Variants in FILIP1L observed in about 807,000 individuals in gnomAD.
FILIP1L encodes the protein filamin A interacting protein 1 like.
FILIP1L carries 55 observed loss-of-function variants against 96.6 expected under a neutral mutation model. The ratio of observed to expected loss-of-function variants is 0.57; its 90% CI spans 0.46 to 0.71. FILIP1L has a LOEUF of 0.71. FILIP1L is among the 30% of genes least tolerant of loss of function. The pLI is 0.00. For synonymous variants in FILIP1L, 467 were observed against 473.9 expected, an observed-to-expected ratio of 0.99 and a Z score of 0.19; for missense variants, 1,304 against 1,321.2, an observed-to-expected ratio of 0.99 and a Z score of 0.20.
At chr3:99,866,693 G>A (rs912056144) in intron 4 of FILIP1L, among the ~76,000 whole-genome samples, 14 of 152,150 alleles carry the variant, frequency 9.2e-5, no homozygotes, top group African/African-American at 3.4e-4. Context: ...TAAATCATGA[G>A]CCACAGTGAG....
chr3:99,966,497 G>T (rs1436285295), intron 1 of FILIP1L, among the ~76,000 whole-genome samples: 3 of 152,048 alleles, frequency 2.0e-5, no homozygotes, highest in Non-Finnish European at 2.9e-5. Flanking sequence ...TTTGTGCAGA[G>T]CCCCGTCAAA....
intron 1 of FILIP1L, among the ~76,000 whole-genome samples, chr3:99,934,037 A>G (rs1165321889): frequency 6.6e-6 from 1 of 152,216 alleles, no homozygotes; most frequent in Non-Finnish European, 1.5e-5. Flanking sequence ...TAGTTGGACT[A>G]GGAGAGCCTC....
intron 1 of FILIP1L, among the ~76,000 whole-genome samples, chr3:99,951,028 A>G (rs991615729): frequency 9.9e-5 from 15 of 152,152 alleles, no homozygotes; most frequent in African/African-American, 3.6e-4. Flanking sequence ...GTTTCACCTC[A>G]TGCCCCTCCC....
chr3:100,057,792 A>C (rs542280378), intron 1 of FILIP1L, among the ~76,000 whole-genome samples: 1 of 152,268 alleles, frequency 6.6e-6, no homozygotes, highest in African/African-American at 2.4e-5. Context: ...TACTGGAAAA[A>C]TCACTCAAAC....
At chr3:99,948,284 G>A (rs116760793) in intron 1 of FILIP1L, among the ~76,000 whole-genome samples, 2,382 of 151,986 alleles carry the variant, frequency 0.016, 38 homozygotes, top group Non-Finnish European at 0.024. Flanking sequence ...CTTGAGCCCC[G>A]GAGTTTGAGA....
intron 1 of FILIP1L, among the ~76,000 whole-genome samples, chr3:99,964,104 T>C (rs1022973975): frequency 2.0e-5 from 3 of 152,088 alleles, no homozygotes; most frequent in Non-Finnish European, 4.4e-5. Flanking sequence ...CATAGACTCG[T>C]TCTGTGGTGC....
intron 4 of FILIP1L, among the ~76,000 whole-genome samples, chr3:99,915,028 T>TA (rs1287703857): frequency 6.6e-6 from 1 of 152,372 alleles, no homozygotes; most frequent in East Asian, 1.9e-4. Context: ...TGTTTAATCT[T>TA]AAAATCCCCT....
chr3:99,859,240 ATG>A (rs1276120813), intron 4 of FILIP1L, among the ~76,000 whole-genome samples: 6 of 152,234 alleles, frequency 3.9e-5, no homozygotes, highest in Non-Finnish European at 8.8e-5. Context: ...GACAGCTACT[ATG>A]TGCAAGGCAC....
At chr3:99,841,451 G>A (rs1943128088) in intron 5 of FILIP1L, among the ~76,000 whole-genome samples, 1 of 152,092 alleles carries the variant, frequency 6.6e-6, no homozygotes, top group Admixed American at 6.5e-5. Context: ...GTCCTCTCTC[G>A]GAAGTCTCAA....
At chr3:99,978,112 T>C (rs1204971579) in intron 1 of FILIP1L, among the ~76,000 whole-genome samples, 1 of 152,216 alleles carries the variant, frequency 6.6e-6, no homozygotes, top group African/African-American at 2.4e-5. Flanking sequence ...GAAAGTATTA[T>C]AAATAAAATT....
intron 1 of FILIP1L, chr3:99,964,346 G>T (rs1708583028): frequency 6.7e-6 from 1 of 149,002 alleles, no homozygotes; most frequent in Non-Finnish European, 1.5e-5. Context: ...GGTACTCAGA[G>T]ACTTAGGGAT....
At chr3:100,094,878 C>A (rs573713182) in intron 1 of FILIP1L, among the ~76,000 whole-genome samples, 1 of 151,674 alleles carries the variant, frequency 6.6e-6, no homozygotes, top group African/African-American at 2.4e-5. Context: ...TTAGTAGAGA[C>A]GGGGTTTTAT....
Position 99,849,113 on chromosome 3 carries a change from A to G in FILIP1L, c.2563T>C (p.Cys855Arg), listed in dbSNP as rs1054251959. The G allele has an allele frequency of 1.9e-6, 3 of 1,614,150 alleles. No individual in the cohort carries two copies. Among genetic ancestry groups the G allele is most frequent in the East Asian group, 4.5e-5 (2 of 44,872 alleles). Residue 855 changes from cysteine to arginine, a missense_variant, in exon 5 of 6, where the codon TGT becomes CGT. Coordinates refer to ENST00000477258, the MANE Select transcript of FILIP1L (RefSeq NM_001387850.1). ...ATCCATAGCTTTCTGTTAACAGGACATGGAGTAGACTGGCTGCATTTGAAG... is the reference window on the plus strand; with the variant it reads ...ATCCATAGCTTTCTGTTAACAGGACGTGGAGTAGACTGGCTGCATTTGAAG... ...LSFKCSQSTP[C>R]PVNRKLWIPW...
At chr3:100,067,243 TC>T (rs1468524541) in intron 1 of FILIP1L, among the ~76,000 whole-genome samples, 1 of 152,180 alleles carries the variant, frequency 6.6e-6, no homozygotes, top group Non-Finnish European at 1.5e-5. Context: ...AAGTAAGGTA[TC>T]CCTACTCAAA....
intron 1 of FILIP1L, among the ~76,000 whole-genome samples, chr3:99,999,734 T>C (rs981021288): frequency 6.6e-6 from 1 of 152,216 alleles, no homozygotes; most frequent in Admixed American, 6.5e-5. Flanking sequence ...TTAAAAGCCC[T>C]GGGTTGTTTC....
chr3:99,915,703 C>A (rs75115126), intron 4 of FILIP1L, among the ~76,000 whole-genome samples: 4 of 152,000 alleles, frequency 2.6e-5, no homozygotes, highest in Non-Finnish European at 5.9e-5. Context: ...TTAGGACATT[C>A]AGCAATTCTC....
At chr3:100,089,243 T>C (rs1406549099) in intron 1 of FILIP1L, among the ~76,000 whole-genome samples, 2 of 152,210 alleles carry the variant, frequency 1.3e-5, no homozygotes, top group Non-Finnish European at 2.9e-5. Flanking sequence ...TGATCTGCTT[T>C]CCAATTTTTC....
At chr3:100,103,994 G>A (rs983618690) in intron 1 of FILIP1L, among the ~76,000 whole-genome samples, 4 of 152,240 alleles carry the variant, frequency 2.6e-5, no homozygotes, top group South Asian at 2.1e-4. Flanking sequence ...TAGTAGAAGC[G>A]TCCTCTTACC....
chr3:99,970,199 T>C (rs1486150785), intron 1 of FILIP1L, among the ~76,000 whole-genome samples: 1 of 152,220 alleles, frequency 6.6e-6, no homozygotes, highest in Admixed American at 6.5e-5. Context: ...GCTGAGAAAG[T>C]GAAGGCATAG....
Sources: gnomAD v4.1 joint callset for allele counts (sites outside exome capture counted in the v4.1 genomes callset) on GRCh38, gnomAD v4.1.1 for gene constraint, MANE v1.5 for transcripts, NCBI Gene and HGNC (gene_info 2026-07-23, HGNC 2026-07-21) for gene names.